The following LARP1 variants were observed in gnomAD, a reference collection of about 807,000 sequenced individuals.
The protein encoded by LARP1 is La ribonucleoprotein 1, translational regulator, also known as la-related protein 1.
A neutral mutation model predicts 122.7 loss-of-function variants in LARP1; 36 were observed. The ratio of observed to expected loss-of-function variants is 0.29; its 90% CI spans 0.22 to 0.39. The LOEUF (loss-of-function observed/expected upper bound fraction) is 0.39, where lower values mean the gene tolerates loss of function less well. Among genes scored for constraint, LARP1 ranks in the 10% least tolerant of loss-of-function variants. The pLI, the probability that LARP1 is intolerant of heterozygous loss-of-function variation, is 1.00. For synonymous variants in LARP1, 539 were observed against 528.7 expected, an observed-to-expected ratio of 1.02 and a Z score of -0.27; for missense variants, 1,040 against 1,403.6, an observed-to-expected ratio of 0.74 and a Z score of 4.14.
upstream of LARP1, among the ~76,000 whole-genome samples, chr5:154,711,131 C>A (rs1452617322): frequency 6.7e-6 from 1 of 150,276 alleles, no homozygotes; most frequent in African/African-American, 2.5e-5. Context: ...TTTTGTTCTT[C>A]AGTGTGGTAC....
intron 1 of LARP1, among the ~76,000 whole-genome samples, chr5:154,714,001 G>T (rs1411698259): frequency 6.6e-6 from 1 of 152,206 alleles, no homozygotes; most frequent in South Asian, 2.1e-4. Flanking sequence ...TCAGGAGCTA[G>T]GCCTGCAGTT....
At chr5:154,765,786 A>G (rs1217914612) in intron 1 of LARP1, among the ~76,000 whole-genome samples, 3 of 152,328 alleles carry the variant, frequency 2.0e-5, no homozygotes, top group East Asian at 1.9e-4. Flanking sequence ...GCCTGGCACA[A>G]TGTAATAGGC....
chr5:154,788,211 C>G (rs945213561), intron 1 of LARP1, among the ~76,000 whole-genome samples: 1 of 152,188 alleles, frequency 6.6e-6, no homozygotes, highest in Non-Finnish European at 1.5e-5. Context: ...CAGGCTAACC[C>G]AGGAGTCCCA....
At chr5:154,702,509 C>A (rs925143725) in intron 1 of LARP1, among the ~76,000 whole-genome samples, 1 of 151,138 alleles carries the variant, frequency 6.6e-6, no homozygotes, top group Non-Finnish European at 1.5e-5. Context: ...TGAGCCAAGA[C>A]CATGCCATTG....
At chr5:154,783,040 C>CA (rs1240506526) in intron 1 of LARP1, among the ~76,000 whole-genome samples, 12 of 152,178 alleles carry the variant, frequency 7.9e-5, no homozygotes, top group African/African-American at 2.9e-4. Context: ...GGGACAGGCA[C>CA]AGGTGGGTAG....
intron 1 of LARP1, among the ~76,000 whole-genome samples, chr5:154,776,143 C>CTATTT (rs1483331346): frequency 6.6e-6 from 1 of 152,134 alleles, no homozygotes; most frequent in African/African-American, 2.4e-5. Flanking sequence ...GACCCAGTAT[C>CTATTT]TATTTTATTT....
chr5:154,733,258 C>A (rs188210611), intron 1 of LARP1, among the ~76,000 whole-genome samples: 44 of 152,358 alleles, frequency 2.9e-4, no homozygotes, highest in South Asian at 1.0e-3. Context: ...AACTGGTTGA[C>A]AAGTTACGAC....
upstream of LARP1, among the ~76,000 whole-genome samples, chr5:154,711,981 T>C (rs368651558): frequency 1.7e-4 from 26 of 152,308 alleles, no homozygotes; most frequent in East Asian, 3.5e-3. Flanking sequence ...TATCAACCTA[T>C]TTCATTTTTG....
intron 1 of LARP1, among the ~76,000 whole-genome samples, chr5:154,784,429 C>T (rs143128922): frequency 1.3e-5 from 2 of 152,268 alleles, no homozygotes; most frequent in Non-Finnish European, 2.9e-5. Context: ...GTAATACAGC[C>T]CCTAAACCCA....
At chr5:154,707,279 C>A in intron 1 of LARP1, among the ~76,000 whole-genome samples, 1 of 152,176 alleles carries the variant, frequency 6.6e-6, no homozygotes, top group Non-Finnish European at 1.5e-5. Context: ...AATAAAATAT[C>A]ATTAAGAACT....
intron 1 of LARP1, among the ~76,000 whole-genome samples, chr5:154,773,765 GTA>G (rs1755635264): frequency 1.3e-5 from 2 of 152,186 alleles, no homozygotes; most frequent in South Asian, 4.1e-4. Flanking sequence ...TTGTCTGGGA[GTA>G]CCCTCAAGTC....
chr5:154,692,416 C>A (rs866113031), intron 1 of LARP1, among the ~76,000 whole-genome samples: 1 of 152,172 alleles, frequency 6.6e-6, no homozygotes, highest in Non-Finnish European at 1.5e-5. Flanking sequence ...GTTCCTGGAA[C>A]ACACTCAACT....
intron 1 of LARP1, among the ~76,000 whole-genome samples, chr5:154,722,156 A>T (rs905857692): frequency 1.3e-5 from 2 of 151,850 alleles, no homozygotes; most frequent in African/African-American, 2.4e-5. Context: ...CACTGTGTGC[A>T]AGGCCAAGTC....
chr5:154,791,679 A>G (rs954773998), intron 3 of LARP1, among the ~76,000 whole-genome samples: 6 of 152,210 alleles, frequency 3.9e-5, no homozygotes, highest in Admixed American at 2.0e-4. Flanking sequence ...ACCTCTGTGC[A>G]TACCAGAATC....
chr5:154,743,849 A>G (rs962266984), intron 1 of LARP1, among the ~76,000 whole-genome samples: 5 of 151,940 alleles, frequency 3.3e-5, no homozygotes, highest in Admixed American at 2.6e-4. Flanking sequence ...CCAACTCCCC[A>G]CCTCAAGTGA....
intron 1 of LARP1, among the ~76,000 whole-genome samples, chr5:154,705,906 A>G (rs768780673): frequency 5.9e-5 from 9 of 152,224 alleles, no homozygotes; most frequent in Non-Finnish European, 1.2e-4. Flanking sequence ...TATCAAAAAG[A>G]CATATACACT....
At chr5:154,729,180 ACT>A (rs2113391434) in intron 1 of LARP1, 1 of 158,102 alleles carries the variant, frequency 6.3e-6, no homozygotes, top group Non-Finnish European at 1.4e-5. Flanking sequence ...AGGAAACAAA[ACT>A]CTTTTCTTCC....
chr5:154,734,676 G>A (rs773124580), intron 1 of LARP1, among the ~76,000 whole-genome samples: 56 of 151,946 alleles, frequency 3.7e-4, no homozygotes, highest in Admixed American at 5.9e-4. Context: ...TTCCTTTTCT[G>A]GTAAGAGATA....
At chr5:154,786,282 C>T (rs758038135) in intron 1 of LARP1, among the ~76,000 whole-genome samples, 1 of 152,148 alleles carries the variant, frequency 6.6e-6, no homozygotes, top group Non-Finnish European at 1.5e-5. Flanking sequence ...CTCAGGTAAT[C>T]TGCCCGCCTC....
Sources: gnomAD v4.1 joint callset for allele counts (sites outside exome capture counted in the v4.1 genomes callset) on GRCh38, gnomAD v4.1.1 for gene constraint, MANE v1.5 for transcripts, NCBI Gene and HGNC (gene_info 2026-07-23, HGNC 2026-07-21) for gene names.